Variants in TSGA10 observed in about 807,000 individuals in gnomAD.
TSGA10 encodes testis-specific gene 10 protein.
A neutral mutation model predicts 96.6 loss-of-function variants in TSGA10; 43 were observed. The observed-to-expected ratio is 0.44, with a 90% CI of 0.35 to 0.57. The LOEUF (loss-of-function observed/expected upper bound fraction) is 0.57, where lower values mean the gene tolerates loss of function less well. Among genes scored for constraint, TSGA10 ranks in the 20% least tolerant of loss-of-function variants. The pLI, the probability that TSGA10 is intolerant of heterozygous loss-of-function variation, is 0.01. For synonymous variants in TSGA10, 229 were observed against 269.9 expected (o/e 0.85, Z 1.48); for missense variants, 703 against 834.4 (o/e 0.84, Z 1.94).
At chr2:99,009,091 T>C (rs2078765109) in intron 20 of TSGA10, among the ~76,000 whole-genome samples, 1 of 152,002 alleles carries the variant, frequency 6.6e-6, no homozygotes, top group Non-Finnish European at 1.5e-5. Context: ...TTCAAAAGCA[T>C]GCTAATCTAC....
chr2:99,073,277 A>C (rs542471710), intron 12 of TSGA10, among the ~76,000 whole-genome samples: 1 of 152,336 alleles, frequency 6.6e-6, no homozygotes, highest in South Asian at 2.1e-4. Context: ...ATGTTCATTA[A>C]AGTAAAGGCT....
At position 99,094,871 on chromosome 2, in the gene TSGA10, C is replaced by T. The variant is rs180805482; in HGVS notation, c.611+9096G>A. ...ATTCCTTAAAGAACTAAATGTAAAACCATTTGATCCAGCAATCCAACTACT... is the reference window on the plus strand; with the variant it reads ...ATTCCTTAAAGAACTAAATGTAAAATCATTTGATCCAGCAATCCAACTACT... On this transcript the variant is annotated intron_variant, in intron 10 of 20. Transcript: ENST00000393483. Among the ~76,000 whole-genome samples the T allele has an allele frequency of 1.5e-4, 23 of 152,212 alleles. No homozygotes were observed. In the East Asian group the frequency reaches 4.4e-3, roughly 29 times the overall value.
chr2:99,108,547 C>T (rs1190422855), intron 7 of TSGA10, among the ~76,000 whole-genome samples: 2 of 152,074 alleles, frequency 1.3e-5, no homozygotes, highest in African/African-American at 2.4e-5. Context: ...GAACTCATAA[C>T]AACTTATCAT....
intron 16 of TSGA10, among the ~76,000 whole-genome samples, chr2:99,059,684 G>A (rs1573947289): frequency 6.7e-6 from 1 of 148,194 alleles, no homozygotes; most frequent in African/African-American, 2.5e-5. Context: ...GTAAGACAAG[G>A]GAATGTTTTC....
intron 16 of TSGA10, among the ~76,000 whole-genome samples, chr2:99,051,882 T>A (rs918634015): frequency 5.9e-5 from 9 of 151,600 alleles, no homozygotes; most frequent in Admixed American, 5.9e-4. Flanking sequence ...AAATAACCAA[T>A]GGGACAAAGA....
chr2:99,103,148 A>G (rs1253945525), intron 10 of TSGA10, among the ~76,000 whole-genome samples: 1 of 151,450 alleles, frequency 6.6e-6, no homozygotes, highest in African/African-American at 2.4e-5. Flanking sequence ...TAATCTCAGC[A>G]TTAATAGGAG....
chr2:99,154,132 A>G (rs1328902691), intron 1 of TSGA10, among the ~76,000 whole-genome samples: 2 of 152,214 alleles, frequency 1.3e-5, no homozygotes, highest in African/African-American at 4.8e-5. Flanking sequence ...GAATAAGGCT[A>G]TCTTGGACCG....
chr2:99,093,368 A>G (rs2089599182), intron 10 of TSGA10, among the ~76,000 whole-genome samples: 1 of 152,200 alleles, frequency 6.6e-6, no homozygotes, highest in Non-Finnish European at 1.5e-5. Flanking sequence ...CACCCTCTCC[A>G]CTTCTATTCA....
intron 20 of TSGA10, among the ~76,000 whole-genome samples, chr2:99,002,111 A>T (rs189298158): frequency 6.6e-6 from 1 of 152,324 alleles, no homozygotes; most frequent in East Asian, 1.9e-4. Context: ...GCAGGCCGAC[A>T]TTCAAATTCA....
At chr2:99,015,042 C>A (rs544400808) in intron 20 of TSGA10, among the ~76,000 whole-genome samples, 4 of 152,260 alleles carry the variant, frequency 2.6e-5, no homozygotes, top group East Asian at 3.9e-4. Flanking sequence ...GGATTCACAG[C>A]TGAATTCCAT....
At chr2:99,017,811 G>A (rs1034872725) in intron 20 of TSGA10, among the ~76,000 whole-genome samples, 1 of 151,804 alleles carries the variant, frequency 6.6e-6, no homozygotes, top group Non-Finnish European at 1.5e-5. Context: ...GGGGATTCAG[G>A]GGGAAGGATG....
At chr2:99,046,384 C>G (rs2082776825) in intron 16 of TSGA10, among the ~76,000 whole-genome samples, 1 of 152,176 alleles carries the variant, frequency 6.6e-6, no homozygotes, top group African/African-American at 2.4e-5. Flanking sequence ...TCTCAGACCA[C>G]AGTGCAATCA....
At chr2:99,082,672 G>A (rs541351513) in intron 10 of TSGA10, among the ~76,000 whole-genome samples, 1 of 152,080 alleles carries the variant, frequency 6.6e-6, no homozygotes, top group South Asian at 2.1e-4. Context: ...AAAGGCCTAT[G>A]GAAAAGGATC....
intron 1 of TSGA10, among the ~76,000 whole-genome samples, chr2:99,148,944 G>T (rs2093660009): frequency 6.6e-6 from 1 of 151,708 alleles, no homozygotes. Flanking sequence ...AATGGTAAAT[G>T]TTATATATAT....
chr2:99,080,449 T>G (rs769237044), intron 11 of TSGA10, among the ~76,000 whole-genome samples: 9 of 152,166 alleles, frequency 5.9e-5, no homozygotes, highest in Non-Finnish European at 1.3e-4. Context: ...CCTAGGTAAT[T>G]TCACGGTTTT....
At chr2:99,138,445 A>G (rs2093411118) in intron 1 of TSGA10, among the ~76,000 whole-genome samples, 2 of 152,260 alleles carry the variant, frequency 1.3e-5, no homozygotes, top group African/African-American at 4.8e-5. Context: ...CTAATGCCTT[A>G]AAAGTGCCCA....
At chr2:99,011,011 G>A (rs1476172884) in intron 20 of TSGA10, among the ~76,000 whole-genome samples, 2 of 152,060 alleles carry the variant, frequency 1.3e-5, no homozygotes, top group Admixed American at 1.3e-4. Context: ...TATAACATAA[G>A]CCCATTGGCC....
chr2:99,103,140 AT>A (rs1217454051), intron 10 of TSGA10, among the ~76,000 whole-genome samples: 11 of 151,626 alleles, frequency 7.3e-5, no homozygotes, highest in Non-Finnish European at 8.8e-5. Flanking sequence ...CATGCCTGTA[AT>A]CTCAGCATTA....
chr2:99,149,153 G>C (rs1378217488), intron 1 of TSGA10, among the ~76,000 whole-genome samples: 1 of 145,260 alleles, frequency 6.9e-6, no homozygotes, highest in Non-Finnish European at 1.5e-5. Context: ...CTGGGTGAAA[G>C]GGTGAAACTC....
Sources: allele counts gnomAD v4.1 joint callset (sites outside exome capture counted in the v4.1 genomes callset), GRCh38; gene constraint gnomAD v4.1.1; transcripts MANE v1.5; gene names NCBI Gene and HGNC (gene_info 2026-07-23, HGNC 2026-07-21).